The following ISL1 variants were observed in gnomAD, a reference collection of about 807,000 sequenced individuals.
The protein encoded by ISL1 is ISL LIM homeobox 1, also known as insulin gene enhancer protein ISL-1.
ISL1 carries 4 observed loss-of-function variants against 35.3 expected under a neutral mutation model. That is an observed-to-expected ratio of 0.11 (90% confidence interval 0.06 to 0.26). The LOEUF is 0.26. ISL1 is among the 10% of genes least tolerant of loss of function. The probability of loss-of-function intolerance (pLI) is 1.00; values close to 1 mark genes in which losing one functional copy is unlikely to be tolerated. For synonymous variants in ISL1, 186 were observed against 172.3 expected (o/e 1.08, Z -0.62); for missense variants, 340 against 472.8 (o/e 0.72, Z 2.60).
At chr5:51,384,048 T>C (rs1173990365) in intron 1 of ISL1, among the ~76,000 whole-genome samples, 1 of 152,144 alleles carries the variant, frequency 6.6e-6, no homozygotes, top group African/African-American at 2.4e-5. Context: ...GAATTAGCAT[T>C]AGACTTGCAA....
At position 51,384,635 on chromosome 5, in the gene ISL1, A is replaced by G; in HGVS notation, c.123A>G (p.Ala41=). 2 of 1,614,156 alleles carry G rather than the reference A, an allele frequency of 1.2e-6. No homozygotes were observed. Among genetic ancestry groups the G allele is most frequent in the South Asian group, 2.2e-5 (2 of 91,090 alleles). ...CTCCGGATTTGGAATGGCATGCGGC[A>G]TGTTTGAAATGTGCGGAGTGTAATC... ...RVSPDLEWHA[A]CLKCAECNQY... Residue 41 remains alanine (A), a synonymous_variant, in exon 2 of 6, where the codon GCA becomes GCG. Transcript: ENST00000230658.
intron 5 of ISL1, among the ~76,000 whole-genome samples, chr5:51,392,787 T>C (rs1454684503): frequency 6.6e-6 from 1 of 152,012 alleles, no homozygotes; most frequent in Non-Finnish European, 1.5e-5. Context: ...GTGGGCATAG[T>C]TAGAGAAGGT....
In ISL1 at chr5:51,393,640, G is replaced by T. The variant is rs183431669; in HGVS notation, c.*30G>T. 2.2e-4 allele frequency: 306 copies of T among 1,361,440 alleles called. 1 individual carries two copies. Among genetic ancestry groups the T allele is most frequent in the Non-Finnish European group, 3.1e-4 (293 of 949,282 alleles). The allele number at this position is 1,361,440 out of a possible 1,614,324, so 84.3% of individuals were successfully genotyped here. Reference sequence around the variant, plus strand: ...CATTCATTCTGTATTTTTTTTCCCTGTTGGAGAAAGTGGGAAATTATAATG... The same window carrying T: ...CATTCATTCTGTATTTTTTTTCCCTTTTGGAGAAAGTGGGAAATTATAATG... On this transcript the variant is annotated 3_prime_UTR_variant, in exon 6 of 6. Transcript: ENST00000230658.
Position 51,389,569 on chromosome 5 carries a change from G to C in ISL1, c.479-77G>C. 7.6e-7 allele frequency: 1 copy of C among 1,312,620 alleles called. No homozygotes were observed. The highest frequency in any genetic ancestry group is 9.8e-7 in the Non-Finnish European group (1 of 1,022,892). The allele number at this position is 1,312,620 out of a possible 1,614,324, so 81.3% of individuals were successfully genotyped here. On this transcript the variant is annotated intron_variant, in intron 3 of 5. Coordinates refer to ENST00000230658, the MANE Select transcript of ISL1 (RefSeq NM_002202.3). The surrounding 1 kb of genome is among the most constrained non-coding windows in gnomAD (Gnocchi z 5.0). Reference sequence around the variant, plus strand: ...GGCGGGCGGGCGGGCAAGCGAGCGAGCGAGCGAGCGCGCGACCGCGGGCGG... The same window carrying C: ...GGCGGGCGGGCGGGCAAGCGAGCGACCGAGCGAGCGCGCGACCGCGGGCGG...
intron 4 of ISL1, among the ~76,000 whole-genome samples, chr5:51,390,500 G>A (rs1747469845): frequency 6.6e-6 from 1 of 152,008 alleles, no homozygotes; most frequent in African/African-American, 2.4e-5. Flanking sequence ...TCCAGGTGAA[G>A]CCCAGGCCTC....
chr5:51,385,347 CT>C (rs1034335462), intron 2 of ISL1, among the ~76,000 whole-genome samples: 2 of 152,136 alleles, frequency 1.3e-5, no homozygotes, highest in African/African-American at 4.8e-5. Context: ...AATATTAACC[CT>C]TTGGTGACAT....
chr5:51,386,663 C>T (rs958370236), intron 2 of ISL1: 8 of 453,808 alleles, frequency 1.8e-5, no homozygotes, highest in African/African-American at 1.0e-4. Context: ...ACCTTAGAAG[C>T]GGGTCTTTGC....
rs1747516546 is a variant in ISL1, at chr5:51,391,591, G to A, written c.933+150G>A. ...GGAGGTGGGTAATGAAGAGAAGGGA[G>A]ACAAATGCAGGGAAAACGAACCTCT... On this transcript the variant is annotated intron_variant, in intron 5 of 5. Coordinates refer to ENST00000230658, the MANE Select transcript of ISL1 (RefSeq NM_002202.3). The A allele has an allele frequency of 2.5e-5, 21 of 824,476 alleles. No homozygotes were observed. In the South Asian group the frequency reaches 3.1e-4, roughly 12 times the overall value. 51.1% of individuals were successfully genotyped at this position (824,476 alleles called of 1,614,324 possible).
chr5:51,387,806 A>C lies in ISL1; in HGVS notation c.478+57A>C. ...GCCAGGTTAAGCCAGCCTGTGTGCC[A>C]GCGGCCACAACAACTATGGTAGCTA... On this transcript the variant is annotated intron_variant, in intron 3 of 5. Coordinates refer to ENST00000230658, the MANE Select transcript of ISL1 (RefSeq NM_002202.3). This position sits in a 1 kb window ranked among gnomAD's most constrained non-coding sequence, Gnocchi z 4.3. The C allele has an allele frequency of 2.5e-6, 4 of 1,603,678 alleles. No individual in the cohort carries two copies. The highest frequency in any genetic ancestry group is 1.3e-5 in the African/African-American group (1 of 74,834).
In ISL1 at chr5:51,387,715, T is replaced by A; in HGVS notation, c.444T>A (p.Ser148Arg). The A allele has an allele frequency of 6.2e-7, 1 of 1,614,152 alleles. No individual in the cohort carries two copies. The highest frequency in any genetic ancestry group is 8.5e-7 in the Non-Finnish European group (1 of 1,180,030). The change falls in exon 3 of 6, where the codon AGT (serine) becomes AGA (arginine). Residue 148 changes from serine (S) to arginine (R), a missense_variant. Transcript: ENST00000230658. The surrounding 1 kb of genome is among the most constrained non-coding windows in gnomAD (Gnocchi z 4.3). ...RASLGAGDPLSPLHPARPLQM... is the reference protein window; with the variant it reads ...RASLGAGDPLRPLHPARPLQM... ...GTCTAGGCGCTGGCGACCCGCTCAG[T>A]CCCCTGCATCCAGCGCGGCCACTGC...
chr5:51,391,237 T>C (rs1159906413), intron 4 of ISL1, 37 bp from the exon 5 acceptor site: 3 of 1,608,832 alleles, frequency 1.9e-6, no homozygotes, highest in Admixed American at 3.3e-5. Context: ...AATTTGCTCA[T>C]TAACATGTTG....
Position 51,393,679 on chromosome 5 carries a change from C to A in ISL1, c.*69C>A. 1 of 971,848 alleles carries A rather than the reference C, an allele frequency of 1.0e-6. No individual in the cohort carries two copies. 60.2% of individuals were successfully genotyped at this position (971,848 alleles called of 1,614,324 possible). ...GAAATTATAATGTCGAACTCTGAAA[C>A]AAAAGTATTTAACGACCCAGTCAAT... On this transcript the variant is annotated 3_prime_UTR_variant, in exon 6 of 6. Coordinates refer to ENST00000230658, the MANE Select transcript of ISL1 (RefSeq NM_002202.3).
rs894151414 is a variant in ISL1 at position 51,392,943 on chromosome 5, AAGAG to A, written c.934-539_934-536del. 6.6e-5 allele frequency among the ~76,000 whole-genome samples: 10 copies of A among 151,824 alleles called. No homozygotes were observed. In the East Asian group the frequency reaches 1.2e-3, roughly 18 times the overall value. ...ATTTTGGAAGGAAGAGCCTGATTTAAAGAGAGAGAGAGAGAAAGGCCAAGAGGCA... is the reference window on the plus strand; with the variant it reads ...ATTTTGGAAGGAAGAGCCTGATTTAAAGAGAGAGAGAAAGGCCAAGAGGCA... On this transcript the variant is annotated intron_variant, in intron 5 of 5. Coordinates refer to ENST00000230658, the MANE Select transcript of ISL1 (RefSeq NM_002202.3).
rs761508908 is a variant in ISL1, at chr5:51,393,623, C to A, written c.*13C>A. ...TATTGAGGCATGAGGAACATTCATT[C>A]TGTATTTTTTTTCCCTGTTGGAGAA... On this transcript the variant is annotated 3_prime_UTR_variant, in exon 6 of 6. Coordinates refer to ENST00000230658, the MANE Select transcript of ISL1 (RefSeq NM_002202.3). 2.0e-6 allele frequency: 3 copies of A among 1,507,352 alleles called. No homozygotes were observed. The highest frequency in any genetic ancestry group is 2.8e-6 in the Non-Finnish European group (3 of 1,082,700). The allele number at this position is 1,507,352 out of a possible 1,614,324, so 93.4% of individuals were successfully genotyped here.
At position 51,393,634 on chromosome 5, in the gene ISL1, T is replaced by C; in HGVS notation, c.*24T>C. Reference sequence around the variant, plus strand: ...GAGGAACATTCATTCTGTATTTTTTTTCCCTGTTGGAGAAAGTGGGAAATT... The same window carrying C: ...GAGGAACATTCATTCTGTATTTTTTCTCCCTGTTGGAGAAAGTGGGAAATT... On this transcript the variant is annotated 3_prime_UTR_variant, in exon 6 of 6. Transcript: ENST00000230658. 1 of 1,438,340 alleles carries C rather than the reference T, an allele frequency of 7.0e-7. No homozygotes were observed. The highest frequency in any genetic ancestry group is 9.8e-7 in the Non-Finnish European group (1 of 1,019,302). The allele number at this position is 1,438,340 out of a possible 1,614,324, so 89.1% of individuals were successfully genotyped here. A position where few individuals can be genotyped will look rare whatever the true frequency, so the allele number is the denominator to read the frequency against.
rs561583208 is a variant in ISL1 at position 51,388,253 on chromosome 5, T to A, written c.478+504T>A. Reference sequence around the variant, plus strand: ...TGCTTCACACTCGAAATTTTTTTTTTAATTTTTTTATCTTTCTGTGAGAGA... The same window carrying A: ...TGCTTCACACTCGAAATTTTTTTTTAAATTTTTTTATCTTTCTGTGAGAGA... On this transcript the variant is annotated intron_variant, in intron 3 of 5. Transcript: ENST00000230658. Among the ~76,000 whole-genome samples, 16 of 152,324 alleles carry A rather than the reference T, an allele frequency of 1.1e-4. No individual in the cohort carries two copies. In the East Asian group the frequency reaches 1.9e-3, roughly 18 times the overall value.
At position 51,389,686 on chromosome 5, in the gene ISL1, C is replaced by T. The variant is rs1022346437; in HGVS notation, c.519C>T (p.His173=). The T allele has an allele frequency of 2.5e-6, 4 of 1,612,706 alleles. No individual in the cohort carries two copies. The Admixed American group carries it at 5.0e-5, about 20-fold the overall frequency. ...CCAGGCAGCCAGCCCTGCGGCCCCA[C>T]GTCCACAAGCAGCCGGAGAAGACCA... ...ISARQPALRP[H]VHKQPEKTTR... is the part of the protein sequence containing the mutation. The change falls in exon 4 of 6, where the codon CAC becomes CAT. Residue 173 remains histidine, a synonymous_variant. Coordinates refer to ENST00000230658, the MANE Select transcript of ISL1 (RefSeq NM_002202.3). The surrounding 1 kb of genome is among the most constrained non-coding windows in gnomAD (Gnocchi z 5.0).
intron 5 of ISL1, among the ~76,000 whole-genome samples, chr5:51,392,808 A>G (rs1254323845): frequency 6.6e-6 from 1 of 152,180 alleles, no homozygotes; most frequent in East Asian, 1.9e-4. Flanking sequence ...TTACAACAGC[A>G]GTACAATGCG....
chr5:51,388,254 A>T (rs189288844), intron 3 of ISL1, among the ~76,000 whole-genome samples: 14 of 151,918 alleles, frequency 9.2e-5, no homozygotes, highest in Non-Finnish European at 1.9e-4. Context: ...TTTTTTTTTT[A>T]ATTTTTTTAT....
Sources: allele counts gnomAD v4.1 joint callset (sites outside exome capture counted in the v4.1 genomes callset), GRCh38; gene constraint gnomAD v4.1.1; non-coding constraint Gnocchi (gnomAD v3.1); transcripts MANE v1.5; gene names NCBI Gene and HGNC (gene_info 2026-07-23, HGNC 2026-07-21).